The following KCNQ5 variants were observed in gnomAD, a reference collection of about 807,000 sequenced individuals.
The protein encoded by KCNQ5 is potassium voltage-gated channel subfamily KQT member 5.
KCNQ5 carries 30 observed loss-of-function variants against 98.2 expected under a neutral mutation model. The ratio of observed to expected loss-of-function variants is 0.31; its 90% CI spans 0.23 to 0.41. The LOEUF (loss-of-function observed/expected upper bound fraction) is 0.41, where lower values mean the gene tolerates loss of function less well. Among genes scored for constraint, KCNQ5 ranks in the 10% least tolerant of loss-of-function variants. The pLI is 1.00. For missense variants in KCNQ5, 835 were observed against 1,182.5 expected (o/e 0.71, Z 4.31); for synonymous variants, 458 against 449.4 (o/e 1.02, Z -0.24).
At chr6:72,816,366 A>C (rs1327245314) in intron 1 of KCNQ5, among the ~76,000 whole-genome samples, 1 of 152,186 alleles carries the variant, frequency 6.6e-6, no homozygotes, top group Non-Finnish European at 1.5e-5. Flanking sequence ...AAAAGCAAAG[A>C]CATCCTAGAA....
At chr6:72,729,917 T>C (rs888771906) in intron 1 of KCNQ5, among the ~76,000 whole-genome samples, 12 of 152,296 alleles carry the variant, frequency 7.9e-5, no homozygotes, top group Admixed American at 2.0e-4. Flanking sequence ...TCCCAGCATT[T>C]TGGGAGGCCG....
rs566109405 is a variant in KCNQ5 at position 72,838,096 on chromosome 6, C to CT, written c.399-165811dup. Among the ~76,000 whole-genome samples, 155 of 106,532 alleles carry CT rather than the reference C, an allele frequency of 1.5e-3. 1 individual carries two copies. The highest frequency in any genetic ancestry group is 5.4e-3 in the African/African-American group (148 of 27,520). The allele number at this position is 106,532 out of a possible 152,430, so 69.9% of individuals were successfully genotyped here. A position where few individuals can be genotyped will look rare whatever the true frequency, so the allele number is the denominator to read the frequency against. On this transcript the variant is annotated intron_variant, in intron 1 of 13. Transcript: ENST00000370398. ...TTAGGTATAGCTCCTAATGCTATCC[C>CT]TCCCCCCTCCCCCCACCCCACAACA...
intron 1 of KCNQ5, among the ~76,000 whole-genome samples, chr6:72,701,997 A>AT (rs200498244): frequency 3.3e-5 from 5 of 151,964 alleles, no homozygotes; most frequent in South Asian, 2.1e-4. Context: ...CCCAGCTAAT[A>AT]TTTTTTTTAA....
chr6:72,725,338 A>G (rs1770209166), intron 1 of KCNQ5, among the ~76,000 whole-genome samples: 1 of 152,186 alleles, frequency 6.6e-6, no homozygotes, highest in South Asian at 2.1e-4. Context: ...AAGTTTTCCC[A>G]AAAATGATTA....
chr6:73,074,772 C>G (rs1461693282), intron 3 of KCNQ5, among the ~76,000 whole-genome samples: 1 of 141,020 alleles, frequency 7.1e-6, no homozygotes, highest in Non-Finnish European at 1.5e-5. Context: ...AAAAAAAAAC[C>G]TTAGAACTGA....
chr6:72,721,718 G>T (rs1000818671), intron 1 of KCNQ5, among the ~76,000 whole-genome samples: 10 of 152,152 alleles, frequency 6.6e-5, no homozygotes, highest in Non-Finnish European at 1.5e-4. Context: ...TAGATGAATT[G>T]CCAGTGAAAC....
chr6:73,159,971 C>A (rs949321608), intron 10 of KCNQ5, among the ~76,000 whole-genome samples: 2 of 151,832 alleles, frequency 1.3e-5, no homozygotes, highest in African/African-American at 4.9e-5. Context: ...ACAGACAAAA[C>A]AAGTGTTTCC....
At chr6:72,929,356 C>A (rs1765588476) in intron 1 of KCNQ5, among the ~76,000 whole-genome samples, 1 of 152,038 alleles carries the variant, frequency 6.6e-6, no homozygotes, top group Non-Finnish European at 1.5e-5. Flanking sequence ...ATGAACTGCC[C>A]ACTCCCTAAA....
intron 5 of KCNQ5, among the ~76,000 whole-genome samples, chr6:73,079,448 A>G (rs1177647278): frequency 6.6e-6 from 1 of 152,222 alleles, no homozygotes; most frequent in Non-Finnish European, 1.5e-5. Flanking sequence ...TTGTTCCACT[A>G]GTCATCAAAA....
chr6:72,710,590 CAAAG>C (rs755577344), intron 1 of KCNQ5, among the ~76,000 whole-genome samples: 5 of 151,956 alleles, frequency 3.3e-5, no homozygotes, highest in South Asian at 2.1e-4. Flanking sequence ...TAAAAAGAGA[CAAAG>C]AAGGCTATTA....
At chr6:73,158,923 G>A (rs1013369534) in intron 10 of KCNQ5, among the ~76,000 whole-genome samples, 1 of 152,078 alleles carries the variant, frequency 6.6e-6, no homozygotes, top group Non-Finnish European at 1.5e-5. Flanking sequence ...ACTATAATTT[G>A]CAGTTTTCTA....
At chr6:72,908,382 T>C (rs1371137961) in intron 1 of KCNQ5, among the ~76,000 whole-genome samples, 2 of 152,112 alleles carry the variant, frequency 1.3e-5, no homozygotes, top group Non-Finnish European at 2.9e-5. Flanking sequence ...AAAGTAATTA[T>C]GCGAGATAAT....
intron 1 of KCNQ5, among the ~76,000 whole-genome samples, chr6:72,674,659 A>G (rs1254215958): frequency 1.3e-5 from 2 of 152,032 alleles, no homozygotes; most frequent in African/African-American, 4.8e-5. Context: ...AGCCCCAGCC[A>G]CTCGGGAGGC....
chr6:72,974,260 G>A (rs1243286659), intron 1 of KCNQ5, among the ~76,000 whole-genome samples: 1 of 152,082 alleles, frequency 6.6e-6, no homozygotes, highest in Non-Finnish European at 1.5e-5. Context: ...AGCTCCTAGA[G>A]AGACCATATG....
intron 1 of KCNQ5, among the ~76,000 whole-genome samples, chr6:72,734,818 G>A (rs1770742390): frequency 6.6e-6 from 1 of 152,134 alleles, no homozygotes; most frequent in South Asian, 2.1e-4. Flanking sequence ...AGGCCCTGTA[G>A]TAACAGAATA....
chr6:72,923,907 A>G (rs1780513894), intron 1 of KCNQ5, among the ~76,000 whole-genome samples: 2 of 152,326 alleles, frequency 1.3e-5, no homozygotes, highest in South Asian at 4.1e-4. Context: ...ATAAAAGAGA[A>G]CCATAAACAG....
At chr6:72,729,531 C>G (rs536847324) in intron 1 of KCNQ5, among the ~76,000 whole-genome samples, 22 of 152,204 alleles carry the variant, frequency 1.4e-4, no homozygotes, top group African/African-American at 4.8e-4. Flanking sequence ...GGTGATCCTC[C>G]TTGCTGGGAT....
At chr6:73,014,228 C>A (rs149021286) in intron 2 of KCNQ5, among the ~76,000 whole-genome samples, 1 of 152,044 alleles carries the variant, frequency 6.6e-6, no homozygotes, top group Non-Finnish European at 1.5e-5. Flanking sequence ...TTCTTGCCAT[C>A]CAGATTAATT....
At chr6:72,809,856 G>A (rs1775159002) in intron 1 of KCNQ5, among the ~76,000 whole-genome samples, 1 of 152,156 alleles carries the variant, frequency 6.6e-6, no homozygotes, top group Admixed American at 6.5e-5. Context: ...TTTGTGAACT[G>A]CTGGAAAATT....
Sources: allele counts gnomAD v4.1 joint callset (sites outside exome capture counted in the v4.1 genomes callset), GRCh38; gene constraint gnomAD v4.1.1; transcripts MANE v1.5; gene names NCBI Gene and HGNC (gene_info 2026-07-23, HGNC 2026-07-21).